Variants in DAB2IP observed in about 807,000 individuals in gnomAD.
DAB2IP encodes the protein DAB2 interacting protein, also known as disabled homolog 2-interacting protein.
A neutral mutation model predicts 107.2 loss-of-function variants in DAB2IP; 28 were observed. That is an observed-to-expected ratio of 0.26 (90% CI 0.19 to 0.36). The LOEUF (loss-of-function observed/expected upper bound fraction) is 0.36. DAB2IP is among the 10% of genes least tolerant of loss of function. The pLI, the probability that DAB2IP is intolerant of heterozygous loss-of-function variation, is 1.00. For missense variants in DAB2IP, 1,400 were observed against 1,644.7 expected, an observed-to-expected ratio of 0.85 and a Z score of 2.57; for synonymous variants, 755 against 706.4, an observed-to-expected ratio of 1.07 and a Z score of -1.09.
exon 11 of DAB2IP, chr9:121,770,601 C>T: frequency 6.2e-7 from 1 of 1,614,162 alleles, no homozygotes; most frequent in Non-Finnish European, 8.5e-7. Flanking sequence ...GTCCACACAG[C>T]ACTGAGCACC....
intron 1 of DAB2IP, among the ~76,000 whole-genome samples, chr9:121,621,564 A>G (rs992264938): frequency 6.6e-6 from 1 of 151,842 alleles, no homozygotes; most frequent in African/African-American, 2.4e-5. Context: ...CCTGCAAGGG[A>G]TGTAAGTCCT....
intron 2 of DAB2IP, among the ~76,000 whole-genome samples, chr9:121,694,811 C>T (rs940013389): frequency 6.6e-5 from 10 of 152,178 alleles, no homozygotes; most frequent in African/African-American, 2.4e-4. Context: ...TATCCACGCC[C>T]AGCCGTCAGG....
intron 1 of DAB2IP, among the ~76,000 whole-genome samples, chr9:121,660,514 G>A (rs1037475926): frequency 2.6e-5 from 4 of 152,184 alleles, no homozygotes; most frequent in African/African-American, 9.7e-5. Context: ...GCCGGCAGGT[G>A]CAGGATGGGG....
In DAB2IP at chr9:121,678,807, C is replaced by T. The variant is rs372292667; in HGVS notation, c.228+26C>T. ...GTAACTATCTCTGCGTCACCAACAC[C>T]GCCACTGCCACCACCATCACCACCT... On this transcript the variant is annotated intron_variant, in intron 2 of 15. Coordinates refer to ENST00000408936, the Ensembl canonical transcript of DAB2IP. 48 of 1,538,974 alleles carry T rather than the reference C, an allele frequency of 3.1e-5. 1 individual carries two copies. Among genetic ancestry groups the T allele is most frequent in the South Asian group, 2.9e-4 (24 of 83,148 alleles).
chr9:121,570,578 T>C (rs1349507520), intron 1 of DAB2IP, among the ~76,000 whole-genome samples: 1 of 152,156 alleles, frequency 6.6e-6, no homozygotes. Context: ...AGACAGGGTC[T>C]CACTCTGTCA....
intron 2 of DAB2IP, among the ~76,000 whole-genome samples, chr9:121,695,225 C>T (rs2118710699): frequency 6.6e-6 from 1 of 152,302 alleles, no homozygotes; most frequent in Non-Finnish European, 1.5e-5. Flanking sequence ...CATGTTCATT[C>T]ATGTCCCTGT....
chr9:121,679,413 TACACAC>T lies in DAB2IP; in HGVS notation c.228+667_228+672del, dbSNP rs3138857. 2.6e-3 allele frequency among the ~76,000 whole-genome samples: 351 copies of T among 135,608 alleles called. 2 individuals carry two copies. Among genetic ancestry groups the T allele is most frequent in the East Asian group, 7.5e-3 (34 of 4,546 alleles). 89.0% of individuals were successfully genotyped at this position (135,608 alleles called of 152,430 possible). A position where few individuals can be genotyped will look rare whatever the true frequency, so the allele number is the denominator to read the frequency against. ...TCATACCCTTCTGCATTTGTGCATG[TACACAC>T]ACACACACACACACACACACACACA... is the stretch of plus-strand genomic sequence containing the variant. On this transcript the variant is annotated intron_variant, in intron 2 of 15. Coordinates refer to ENST00000408936, the Ensembl canonical transcript of DAB2IP.
rs1835238483 is a variant in DAB2IP at position 121,776,872 on chromosome 9, G to A, written c.3314+481G>A. Among the ~76,000 whole-genome samples the A allele has an allele frequency of 6.6e-6, 1 of 152,126 alleles. No individual in the cohort carries two copies. The highest frequency in any genetic ancestry group is 2.4e-5 in the African/African-American group (1 of 41,422). ...GGCGTATCAGGGTACCAGTTACTGA[G>A]CTGGGAACTGTTAAGAGGAGTGGTT... On this transcript the variant is annotated intron_variant, in intron 14 of 15. Transcript: ENST00000408936. This position sits in a 1 kb window ranked among gnomAD's most constrained non-coding sequence, Gnocchi z 5.4.
intron 2 of DAB2IP, among the ~76,000 whole-genome samples, chr9:121,685,461 G>A (rs918257870): frequency 6.6e-6 from 1 of 152,142 alleles, no homozygotes; most frequent in Non-Finnish European, 1.5e-5. Context: ...GGAGGCTGTC[G>A]CCCCACCCCA....
intron 14 of DAB2IP, among the ~76,000 whole-genome samples, chr9:121,777,238 G>A (rs900508797): frequency 6.6e-6 from 1 of 152,200 alleles, no homozygotes; most frequent in Non-Finnish European, 1.5e-5. Flanking sequence ...GACAGACCAA[G>A]CAGGTGTGCA....
exon 12 of DAB2IP, chr9:121,773,240 G>C (rs372787392): frequency 4.5e-6 from 7 of 1,552,160 alleles, no homozygotes; most frequent in Non-Finnish European, 6.1e-6. Flanking sequence ...GGCAGCCCAC[G>C]GTGCCACGGC....
At chr9:121,720,775 G>A (rs1040895438) in intron 3 of DAB2IP, among the ~76,000 whole-genome samples, 1 of 152,138 alleles carries the variant, frequency 6.6e-6, no homozygotes, top group Non-Finnish European at 1.5e-5. Flanking sequence ...CTCATCCTCA[G>A]GGCTCCACCC....
intron 1 of DAB2IP, among the ~76,000 whole-genome samples, chr9:121,677,111 C>T (rs527575222): frequency 6.6e-6 from 1 of 152,320 alleles, no homozygotes; most frequent in East Asian, 1.9e-4. Flanking sequence ...CAATTAGCGC[C>T]GAGTGGCTGG....
At chr9:121,625,012 C>G (rs1256190948) in intron 1 of DAB2IP, among the ~76,000 whole-genome samples, 1 of 152,146 alleles carries the variant, frequency 6.6e-6, no homozygotes, top group Non-Finnish European at 1.5e-5. Context: ...CCTGCCCCGT[C>G]CAGGGCATGG....
intron 1 of DAB2IP, among the ~76,000 whole-genome samples, chr9:121,581,987 G>A (rs945524431): frequency 1.3e-5 from 2 of 152,188 alleles, no homozygotes; most frequent in Admixed American, 6.5e-5. Context: ...CTGCCGGCTG[G>A]AACAAAAGAG....
chr9:121,648,353 TTGG>T (rs1211284296), upstream of DAB2IP, among the ~76,000 whole-genome samples: 9 of 152,102 alleles, frequency 5.9e-5, no homozygotes, highest in Admixed American at 5.9e-4. Context: ...AGGGAAGACC[TTGG>T]TGGCAGCGGT....
exon 12 of DAB2IP, chr9:121,773,229 G>C (rs747708872): frequency 3.2e-6 from 5 of 1,558,742 alleles, no homozygotes; most frequent in Non-Finnish European, 4.3e-6. Flanking sequence ...TGAAAAAGGC[G>C]GGCAGCCCAC....
chr9:121,601,804 C>A (rs1408112372), intron 1 of DAB2IP, among the ~76,000 whole-genome samples: 2 of 152,178 alleles, frequency 1.3e-5, no homozygotes, highest in Non-Finnish European at 2.9e-5. Context: ...AAGGGGCTGG[C>A]TGGGCTGTGC....
At chr9:121,732,352 T>G (rs764975727) in intron 3 of DAB2IP, among the ~76,000 whole-genome samples, 2 of 152,190 alleles carry the variant, frequency 1.3e-5, no homozygotes, top group Admixed American at 6.5e-5. Context: ...AGTGAACATG[T>G]GTCAACATCA....
Sources: gnomAD v4.1 joint callset for allele counts (sites outside exome capture counted in the v4.1 genomes callset) on GRCh38, gnomAD v4.1.1 for gene constraint, Gnocchi (gnomAD v3.1) non-coding constraint, MANE v1.5 for transcripts, NCBI Gene and HGNC (gene_info 2026-07-23, HGNC 2026-07-21) for gene names.